Variants in WNT7B observed in about 807,000 individuals in gnomAD.
The protein encoded by WNT7B is Wnt family member 7B, also known as protein Wnt-7b.
WNT7B carries 19 observed loss-of-function variants against 38.2 expected under a neutral mutation model. That is an observed-to-expected ratio of 0.50 (90% CI 0.35 to 0.73). The LOEUF is 0.73. WNT7B is among the 30% of genes least tolerant of loss of function. The probability of loss-of-function intolerance (pLI) is 0.01; values close to 1 mark genes in which losing one functional copy is unlikely to be tolerated. For synonymous variants in WNT7B, 243 were observed against 209.3 expected (o/e 1.16, Z -1.39); for missense variants, 423 against 507.9 (o/e 0.83, Z 1.61).
chr22:45,952,867 G>A (rs147488869), intron 1 of WNT7B, among the ~76,000 whole-genome samples: 1,838 of 152,318 alleles, frequency 0.012, 13 homozygotes, highest in Middle Eastern at 0.027. Flanking sequence ...CCAGGGGACC[G>A]TCCCAGCCCC....
chr22:45,947,171 C>T (rs777619885), intron 2 of WNT7B, among the ~76,000 whole-genome samples: 6 of 152,236 alleles, frequency 3.9e-5, no homozygotes, highest in South Asian at 2.1e-4. Flanking sequence ...GAGTCAGATA[C>T]GCCCGAAGCT....
At chr22:45,968,993 C>T (rs1380309543) in intron 1 of WNT7B, among the ~76,000 whole-genome samples, 3 of 152,234 alleles carry the variant, frequency 2.0e-5, no homozygotes, top group Admixed American at 2.0e-4. Context: ...CTGGGAGTTG[C>T]CCCTCCCCCA....
At position 45,965,887 on chromosome 22, in the gene WNT7B, C is replaced by T. The variant is rs374375616; in HGVS notation, c.71+10797G>A. On this transcript the variant is annotated intron_variant, in intron 1 of 3. Coordinates refer to ENST00000339464, the MANE Select transcript of WNT7B (RefSeq NM_058238.3). The surrounding 1 kb of genome is among the most constrained non-coding windows in gnomAD (Gnocchi z 6.5). The stretch of plus-strand genomic sequence containing the variant: ...GAGAGGACAGGCAGGAAACGGGACA[C>T]GCAACAGAGCCCGCCCAAGGCTGGA... Among the ~76,000 whole-genome samples, 183 of 152,278 alleles carry T rather than the reference C, an allele frequency of 1.2e-3. 1 individual carries two copies. The highest frequency in any genetic ancestry group is 4.2e-3 in the African/African-American group (173 of 41,548).
intron 1 of WNT7B, among the ~76,000 whole-genome samples, chr22:45,963,675 C>T (rs1284986329): frequency 6.6e-6 from 1 of 152,168 alleles, no homozygotes; most frequent in Non-Finnish European, 1.5e-5. Flanking sequence ...CTCTTCCCAC[C>T]CTCCCGTCTT....
In WNT7B at chr22:45,959,056, C is replaced by CT. The variant is rs570355649; in HGVS notation, c.72-8911dup. Reference sequence around the variant, plus strand: ...TCTTACTCCCCACGATATGCTGGGCCTGGTGCAAGGCCAGGCGTGGCAGAG... The same window carrying CT: ...TCTTACTCCCCACGATATGCTGGGCCTTGGTGCAAGGCCAGGCGTGGCAGAG... On this transcript the variant is annotated intron_variant, in intron 1 of 3. Transcript: ENST00000339464. Among the ~76,000 whole-genome samples the CT allele has an allele frequency of 2.6e-5, 4 of 152,348 alleles. No individual in the cohort carries two copies. The East Asian group carries it at 7.7e-4, about 29-fold the overall frequency.
chr22:45,958,399 C>A (rs530055467), intron 1 of WNT7B, among the ~76,000 whole-genome samples: 1 of 152,308 alleles, frequency 6.6e-6, no homozygotes, highest in African/African-American at 2.4e-5. Flanking sequence ...CTCCCCGACA[C>A]CCCTGTTGTG....
chr22:45,977,018 C>T lies in WNT7B; in HGVS notation c.-264G>A. 1.0e-6 allele frequency: 1 copy of T among 985,414 alleles called. No individual in the cohort carries two copies. The allele number at this position is 985,414 out of a possible 1,614,324, so 61.0% of individuals were successfully genotyped here. A position where few individuals can be genotyped will look rare whatever the true frequency, so the allele number is the denominator to read the frequency against. On this transcript the variant is annotated 5_prime_UTR_variant, in exon 1 of 4. Coordinates refer to ENST00000339464, the MANE Select transcript of WNT7B (RefSeq NM_058238.3). ...CGAAGCCCGGTTGAGCGACCGTGGA[C>T]CCCTGCAAGCGCGGGCCGGGGGCCC...
At position 45,922,940 on chromosome 22, in the gene WNT7B, C is replaced by A; in HGVS notation, c.966G>T (p.Trp322Cys). Residue 322 changes from tryptophan to cysteine, a missense_variant, in exon 4 of 4, where the codon TGG (tryptophan) becomes TGT (cysteine). Transcript: ENST00000339464. ...GYNTHQYTKVWQCNCKFHWCC... is the reference protein window; with the variant it reads ...GYNTHQYTKVCQCNCKFHWCC... Reference sequence around the variant, plus strand: ...ACCAGTGGAATTTGCAGTTGCACTGCCACACCTTGGTGTACTGGTGGGTGT... The same window carrying A: ...ACCAGTGGAATTTGCAGTTGCACTGACACACCTTGGTGTACTGGTGGGTGT... 6.2e-7 allele frequency: 1 copy of A among 1,613,242 alleles called. No homozygotes were observed. The highest frequency in any genetic ancestry group is 8.5e-7 in the Non-Finnish European group (1 of 1,179,698).
chr22:45,956,973 G>T (rs914231862), intron 1 of WNT7B, among the ~76,000 whole-genome samples: 7 of 152,200 alleles, frequency 4.6e-5, no homozygotes, highest in Admixed American at 2.0e-4. Flanking sequence ...GGGCGTGGTG[G>T]CGTGTGCCTG....
chr22:45,923,896 G>A (rs896516526), intron 3 of WNT7B, among the ~76,000 whole-genome samples: 8 of 152,208 alleles, frequency 5.3e-5, no homozygotes, highest in East Asian at 1.9e-4. Flanking sequence ...CAGGGGAGGC[G>A]AGTACACGGA....
chr22:45,952,211 C>T (rs1601732091), intron 1 of WNT7B, among the ~76,000 whole-genome samples: 2 of 152,364 alleles, frequency 1.3e-5, no homozygotes, highest in African/African-American at 4.8e-5. Flanking sequence ...CTACCTACTG[C>T]CCGCCCGCCC....
intron 3 of WNT7B, among the ~76,000 whole-genome samples, chr22:45,928,014 G>C (rs1213098258): frequency 6.6e-6 from 1 of 152,214 alleles, no homozygotes. Context: ...AATGCTGCGA[G>C]AGCCAGGAAG....
rs1932564145 is a variant in WNT7B, at chr22:45,976,895, G to A, written c.-141C>T. 4 of 998,070 alleles carry A rather than the reference G, an allele frequency of 4.0e-6. No individual in the cohort carries two copies. Among genetic ancestry groups the A allele is most frequent in the African/African-American group, 1.8e-5 (1 of 57,068 alleles). The allele number at this position is 998,070 out of a possible 1,614,324, so 61.8% of individuals were successfully genotyped here. On this transcript the variant is annotated 5_prime_UTR_variant, in exon 1 of 4. Transcript: ENST00000339464. The surrounding 1 kb of genome is among the most constrained non-coding windows in gnomAD (Gnocchi z 8.5). ...GGCTCGGGCGGCCGGCGACGCGCGG[G>A]CACTCGGCGCGCGCTGCCACCATGG... is the stretch of plus-strand genomic sequence containing the variant.
chr22:45,921,778 T>G lies in WNT7B; in HGVS notation c.*1078A>C, dbSNP rs975853189. 1 of 152,192 alleles carries G rather than the reference T, an allele frequency of 6.6e-6. No homozygotes were observed. Among genetic ancestry groups the G allele is most frequent in the African/African-American group, 2.4e-5 (1 of 41,430 alleles). 9.4% of individuals were successfully genotyped at this position (152,192 alleles called of 1,614,324 possible). On this transcript the variant is annotated 3_prime_UTR_variant, in exon 4 of 4. Transcript: ENST00000339464. Reference sequence around the variant, plus strand: ...TTGATATTATTTTCTTTTCTTTTTTTGAGACAGAGTCGTGCTCTGTCACCC... The same window carrying G: ...TTGATATTATTTTCTTTTCTTTTTTGGAGACAGAGTCGTGCTCTGTCACCC...
At chr22:45,950,292 G>T in intron 1 of WNT7B, 146 bp from the exon 2 acceptor site, 1 of 715,878 alleles carries the variant, frequency 1.4e-6, no homozygotes, top group Non-Finnish European at 2.4e-6. Context: ...CTGCCCTCAA[G>T]GGGCTGTTTC....
In WNT7B at chr22:45,975,846, C is replaced by G. The variant is rs1227092494; in HGVS notation, c.71+838G>C. On this transcript the variant is annotated intron_variant, in intron 1 of 3. Transcript: ENST00000339464. The surrounding 1 kb of genome is among the most constrained non-coding windows in gnomAD (Gnocchi z 6.6). ...GGTGCACCGCACCCCCTCTCCGTCACGCCGTTTCTCCACCCCCACTTCGAG... is the reference window on the plus strand; with the variant it reads ...GGTGCACCGCACCCCCTCTCCGTCAGGCCGTTTCTCCACCCCCACTTCGAG... The G allele has an allele frequency of 7.2e-6, 2 of 277,230 alleles. No individual in the cohort carries two copies. The highest frequency in any genetic ancestry group is 6.4e-5 in the East Asian group (1 of 15,676). 17.2% of individuals were successfully genotyped at this position (277,230 alleles called of 1,614,324 possible).
At chr22:45,927,454 AC>A (rs1931123126) in intron 3 of WNT7B, 5 of 1,549,222 alleles carry the variant, frequency 3.2e-6, no homozygotes, top group Non-Finnish European at 4.4e-6. Flanking sequence ...CGGCATAGCA[AC>A]CCCCCAAATT....
At position 45,976,477 on chromosome 22, in the gene WNT7B, G is replaced by T. The variant is rs1416896553; in HGVS notation, c.71+207C>A. On this transcript the variant is annotated intron_variant, in intron 1 of 3. Transcript: ENST00000339464. The surrounding 1 kb of genome is among the most constrained non-coding windows in gnomAD (Gnocchi z 8.5). ...CGCGCCCCGCTCTCTCTCCTCCCGC[G>T]CTGGGCTCGGCGCCTCTCGGGAGCT... is the stretch of plus-strand genomic sequence containing the variant. Among the ~76,000 whole-genome samples the T allele has an allele frequency of 6.6e-6, 1 of 152,032 alleles. No homozygotes were observed. The highest frequency in any genetic ancestry group is 2.1e-4 in the South Asian group (1 of 4,830).
At position 45,951,578 on chromosome 22, in the gene WNT7B, C is replaced by T. The variant is rs10448594; in HGVS notation, c.72-1432G>A. 0.51 allele frequency among the ~76,000 whole-genome samples: 77,650 copies of T among 152,000 alleles called. 21,321 individuals carry two copies. Among genetic ancestry groups the T allele is most frequent in the African/African-American group, 0.71 (29,475 of 41,446 alleles). Reference sequence around the variant, plus strand: ...CCTCCCCGACCCAGCAACCACCAGTCTGCTTTCTGTTCCCATGGATTTGCC... The same window carrying T: ...CCTCCCCGACCCAGCAACCACCAGTTTGCTTTCTGTTCCCATGGATTTGCC... On this transcript the variant is annotated intron_variant, in intron 1 of 3. Transcript: ENST00000339464. The surrounding 1 kb of genome is among the most constrained non-coding windows in gnomAD (Gnocchi z 4.8).
Sources: gnomAD v4.1 joint callset for allele counts (sites outside exome capture counted in the v4.1 genomes callset) on GRCh38, gnomAD v4.1.1 for gene constraint, Gnocchi (gnomAD v3.1) non-coding constraint, MANE v1.5 for transcripts, NCBI Gene and HGNC (gene_info 2026-07-23, HGNC 2026-07-21) for gene names.